SDK1: variants seen among roughly 807,000 people sequenced by gnomAD.
The protein encoded by SDK1 is protein sidekick-1.
SDK1 carries 157 observed loss-of-function variants against 245.5 expected under a neutral mutation model. The ratio of observed to expected loss-of-function variants is 0.64; its 90% CI spans 0.56 to 0.73. The LOEUF (loss-of-function observed/expected upper bound fraction) is 0.73. Ranked by LOEUF, SDK1 falls within the 30% of genes least tolerant of loss-of-function variation. The pLI, the probability that SDK1 is intolerant of heterozygous loss-of-function variation, is 0.00. For missense variants in SDK1, 3,583 were observed against 3,002.3 expected (o/e 1.19, Z -4.52); for synonymous variants, 1,647 against 1,278.5 (o/e 1.29, Z -6.15).
chr7:4,154,525 G>A (rs1780597515), intron 30 of SDK1, among the ~76,000 whole-genome samples: 1 of 152,150 alleles, frequency 6.6e-6, no homozygotes, highest in South Asian at 2.1e-4. Flanking sequence ...GGCTTCCTGG[G>A]GACAAGTGAG....
At chr7:4,119,387 C>T (rs1484075509) in intron 25 of SDK1, among the ~76,000 whole-genome samples, 2 of 148,296 alleles carry the variant, frequency 1.3e-5, no homozygotes, top group Admixed American at 6.7e-5. Context: ...CCCAGGAGGT[C>T]GAGCCTGCCA....
intron 4 of SDK1, among the ~76,000 whole-genome samples, chr7:3,730,664 A>G (rs1779149952): frequency 6.6e-6 from 1 of 152,096 alleles, no homozygotes; most frequent in African/African-American, 2.4e-5. Flanking sequence ...TGGGTTCCAG[A>G]TCTTAGATCA....
rs1464837444 is a variant in SDK1, at chr7:3,619,183, G to A, written c.402G>A (p.Leu134=). The A allele has an allele frequency of 3.7e-6, 6 of 1,613,846 alleles. No individual in the cohort carries two copies. Among genetic ancestry groups the A allele is most frequent in the Non-Finnish European group, 5.1e-6 (6 of 1,179,898 alleles). Residue 134 remains leucine (L), a synonymous_variant, in exon 2 of 45, where the codon TTG becomes TTA. Transcript: ENST00000404826. The stretch of plus-strand genomic sequence containing the variant: ...GCCTTGCCGAAGGGAGCTGGCCTTT[G>A]GAGTTCAAGTGGATGCGCGATGACA... The part of the protein sequence containing the change: ...LTCLAEGSWP[L]EFKWMRDDSE...
At chr7:4,242,057 A>C in intron 43 of SDK1, 144 bp downstream of exon 43, 1 of 920,274 alleles carries the variant, frequency 1.1e-6, no homozygotes, top group Non-Finnish European at 1.6e-6. Context: ...TGCGCTCCCA[A>C]ACCACCAGGG....
At chr7:4,009,246 T>C (rs1446209557) in intron 14 of SDK1, among the ~76,000 whole-genome samples, 1 of 152,180 alleles carries the variant, frequency 6.6e-6, no homozygotes, top group Non-Finnish European at 1.5e-5. Context: ...ACATACCAGT[T>C]CTCTTCAGAA....
chr7:4,059,388 A>C (rs1344616279), intron 19 of SDK1, among the ~76,000 whole-genome samples: 1 of 152,260 alleles, frequency 6.6e-6, no homozygotes. Context: ...ATTCAACAAG[A>C]GGATATAACA....
At chr7:3,376,428 C>T (rs552049409) in intron 1 of SDK1, among the ~76,000 whole-genome samples, 3 of 151,646 alleles carry the variant, frequency 2.0e-5, no homozygotes, top group Non-Finnish European at 4.4e-5. Context: ...GGCAGTGTCT[C>T]GGAGAACTCT....
chr7:4,261,900 A>G (rs1450661726), intron 44 of SDK1, among the ~76,000 whole-genome samples: 1 of 151,388 alleles, frequency 6.6e-6, no homozygotes. Flanking sequence ...GTTAGGACGC[A>G]CAGGTGAGGG....
At chr7:4,261,214 G>A (rs149869185) in intron 44 of SDK1, among the ~76,000 whole-genome samples, 7 of 152,208 alleles carry the variant, frequency 4.6e-5, no homozygotes, top group Non-Finnish European at 8.8e-5. Context: ...GGACGGTGTC[G>A]GCTCATGGAT....
intron 4 of SDK1, among the ~76,000 whole-genome samples, chr7:3,679,716 C>G (rs1040555798): frequency 6.6e-6 from 1 of 152,202 alleles, no homozygotes; most frequent in African/African-American, 2.4e-5. Context: ...CACTTCCTAC[C>G]TATCAGAATA....
chr7:3,983,324 G>T (rs571151297), intron 13 of SDK1, among the ~76,000 whole-genome samples: 2 of 152,192 alleles, frequency 1.3e-5, no homozygotes, highest in Non-Finnish European at 2.9e-5. Context: ...CCGTTGATGC[G>T]CCAGGCTTCA....
intron 4 of SDK1, among the ~76,000 whole-genome samples, chr7:3,661,390 G>A (rs1164647575): frequency 6.6e-6 from 1 of 152,142 alleles, no homozygotes; most frequent in Non-Finnish European, 1.5e-5. Context: ...GAGAGAAAGG[G>A]GACATTAACA....
chr7:4,056,839 G>A (rs531615169), intron 19 of SDK1, among the ~76,000 whole-genome samples: 4 of 150,226 alleles, frequency 2.7e-5, no homozygotes, highest in African/African-American at 1.0e-4. Context: ...CCCGGGTCCC[G>A]ACAGACCATT....
chr7:3,769,369 G>A lies in SDK1; in HGVS notation c.714-52081G>A, dbSNP rs564811642. 3.3e-5 allele frequency among the ~76,000 whole-genome samples: 5 copies of A among 152,174 alleles called. No homozygotes were observed. The South Asian group carries it at 1.0e-3, about 32-fold the overall frequency. ...GTAGTACAGGGCAGTATATAGTGAG[G>A]GGGACTGAGCCTGGAACCTCAGGTC... On this transcript the variant is annotated intron_variant, in intron 4 of 44. Coordinates refer to ENST00000404826, the MANE Select transcript of SDK1 (RefSeq NM_152744.4).
intron 4 of SDK1, among the ~76,000 whole-genome samples, chr7:3,719,926 G>A (rs1583339355): frequency 6.6e-6 from 1 of 151,286 alleles, no homozygotes; most frequent in Non-Finnish European, 1.5e-5. Context: ...GCAGTGAGCC[G>A]AGATCGTGCC....
In SDK1 at chr7:3,430,762, C is replaced by A. The variant is rs573237713; in HGVS notation, c.298+128878C>A. ...TAGGAATGTCTGCTGCCCTGGGGGC[C>A]GAATCCTGCCTGTGCATGACCTGCT... is the stretch of plus-strand genomic sequence containing the variant. On this transcript the variant is annotated intron_variant, in intron 1 of 44. Coordinates refer to ENST00000404826, the MANE Select transcript of SDK1 (RefSeq NM_152744.4). 6.1e-4 allele frequency among the ~76,000 whole-genome samples: 93 copies of A among 152,298 alleles called. 1 individual carries two copies. The highest frequency in any genetic ancestry group is 2.0e-3 in the African/African-American group (84 of 41,574).
intron 4 of SDK1, among the ~76,000 whole-genome samples, chr7:3,679,618 G>C (rs946466499): frequency 9.2e-5 from 14 of 152,290 alleles, no homozygotes; most frequent in African/African-American, 3.1e-4. Flanking sequence ...TCATGGAAGA[G>C]GATATACAGA....
At position 4,127,471 on chromosome 7, in the gene SDK1, A is replaced by T; in HGVS notation, c.3914A>T (p.Gln1305Leu). 1 of 1,614,126 alleles carries T rather than the reference A, an allele frequency of 6.2e-7. No individual in the cohort carries two copies. Among genetic ancestry groups the T allele is most frequent in the South Asian group, 1.1e-5 (1 of 91,086 alleles). ...TGGACATCCGTGCCGGAACAGGACC[A>T]GAATGGGCTCATACTGGGCTACAAG... ...LTWTSVPEQDQNGLILGYKIL... is the reference protein window; with the variant it reads ...LTWTSVPEQDLNGLILGYKIL... Residue 1305 changes from glutamine (Q) to leucine (L), a missense_variant, in exon 26 of 45, where the codon CAG (glutamine) becomes CTG (leucine). Physicochemically the swap from Gln to Leu is moderately radical, Grantham distance 113. Transcript: ENST00000404826.
At chr7:3,736,779 C>T (rs1174448576) in intron 4 of SDK1, among the ~76,000 whole-genome samples, 2 of 152,178 alleles carry the variant, frequency 1.3e-5, no homozygotes, top group African/African-American at 2.4e-5. Context: ...AGTTACCATT[C>T]TTGTGTGTGT....
Sources: allele counts gnomAD v4.1 joint callset (sites outside exome capture counted in the v4.1 genomes callset), GRCh38; gene constraint gnomAD v4.1.1; transcripts MANE v1.5; gene names NCBI Gene and HGNC (gene_info 2026-07-23, HGNC 2026-07-21).